Variants in IQGAP3 observed in about 807,000 individuals in gnomAD.
The protein encoded by IQGAP3 is ras GTPase-activating-like protein IQGAP3.
In IQGAP3, 165 loss-of-function variants were observed where a neutral mutation model predicts 208.2. The ratio of observed to expected loss-of-function variants is 0.79; its 90% confidence interval spans 0.70 to 0.90. The LOEUF is 0.90. IQGAP3 is among the 40% of genes least tolerant of loss of function. IQGAP3 has a pLI of 0.00. For synonymous variants in IQGAP3, 703 were observed against 803.6 expected (o/e 0.87, Z 2.12); for missense variants, 1,811 against 2,043.1 (o/e 0.89, Z 2.19).
intron 2 of IQGAP3, among the ~76,000 whole-genome samples, chr1:156,568,223 G>GT (rs1301470849): frequency 8.0e-5 from 12 of 150,686 alleles, no homozygotes; most frequent in East Asian, 7.8e-4. Flanking sequence ...TTTTGTTTTT[G>GT]TTTTTTTTTG....
In IQGAP3 at chr1:156,548,464, G is replaced by C. The variant is rs772455391; in HGVS notation, c.2017C>G (p.His673Asp). 14 of 1,613,758 alleles carry C rather than the reference G, an allele frequency of 8.7e-6. No individual in the cohort carries two copies. Among genetic ancestry groups the C allele is most frequent in the Non-Finnish European group, 1.2e-5 (14 of 1,179,940 alleles). ...TAGGCAGTGCCATCCTTCATGTCAT[G>C]TTGAACCCAGAAAGCTGTGTCTGCT... is the stretch of plus-strand genomic sequence containing the variant. ...RPADTAFWVQ[H>D]DMKDGTAYYF... Residue 673 changes from histidine to aspartate, a missense_variant, in exon 18 of 38, where the codon CAT (histidine) becomes GAT (aspartate). Transcript: ENST00000361170.
chr1:156,545,246 G>A (rs1350989291), intron 19 of IQGAP3, among the ~76,000 whole-genome samples: 1 of 151,962 alleles, frequency 6.6e-6, no homozygotes, highest in Non-Finnish European at 1.5e-5. Flanking sequence ...TCCTTCCTAG[G>A]AGACTTTTCC....
chr1:156,528,764 G>C (rs2102348863), intron 35 of IQGAP3, 152 bp downstream of exon 35: 2 of 1,083,192 alleles, frequency 1.8e-6, no homozygotes, highest in Admixed American at 2.4e-5. Context: ...CCAAGACTTT[G>C]TAAATGAGGC....
At position 156,539,894 on chromosome 1, in the gene IQGAP3, T is replaced by C; in HGVS notation, c.2836A>G (p.Ser946Gly). The C allele has an allele frequency of 6.2e-7, 1 of 1,614,164 alleles. No homozygotes were observed. The highest frequency in any genetic ancestry group is 8.5e-7 in the Non-Finnish European group (1 of 1,180,022). Reference sequence around the variant, plus strand: ...TCTAGTTTCTGCCGTTTCTCTTTGCTCAGCGACTTTAAACCCTTCTGCTTG... The same window carrying C: ...TCTAGTTTCTGCCGTTTCTCTTTGCCCAGCGACTTTAAACCCTTCTGCTTG... ...LDKQKGLKSLSKEKRQKLEAY... is the reference protein window; with the variant it reads ...LDKQKGLKSLGKEKRQKLEAY... Residue 946 changes from serine to glycine, a missense_variant, in exon 24 of 38, where the codon AGC becomes GGC. Transcript: ENST00000361170.
chr1:156,572,426 C>T (rs78317021), intron 1 of IQGAP3, 67 bp downstream of exon 1: 59,953 of 1,530,536 alleles, frequency 0.039, 1,781 homozygotes, highest in African/African-American at 0.14. Flanking sequence ...CAATCTCTCC[C>T]GGGACAGCCA....
intron 12 of IQGAP3, among the ~76,000 whole-genome samples, chr1:156,554,661 T>C (rs927838234): frequency 2.0e-5 from 3 of 152,244 alleles, no homozygotes; most frequent in African/African-American, 7.2e-5. Context: ...ATTTCATGGA[T>C]GAGCCCACGA....
chr1:156,535,371 AG>A (rs1331376076), intron 27 of IQGAP3, 124 bp from the exon 28 acceptor site: 1 of 669,050 alleles, frequency 1.5e-6, no homozygotes, highest in Non-Finnish European at 2.6e-6. Flanking sequence ...GTAGAGCTCA[AG>A]CACTGTCCCT....
chr1:156,570,951 G>A (rs1361736483), intron 1 of IQGAP3, among the ~76,000 whole-genome samples: 5 of 152,132 alleles, frequency 3.3e-5, no homozygotes, highest in African/African-American at 4.8e-5. Flanking sequence ...ATAAATAGGC[G>A]GAACACAGGG....
At chr1:156,533,168 TAC>T (rs1233443443) in intron 31 of IQGAP3, 62 bp from the exon 32 acceptor site, 1,254 of 1,496,560 alleles carry the variant, frequency 8.4e-4, no homozygotes, top group Middle Eastern at 1.6e-3. Context: ...CACACACACA[TAC>T]ACACACACAC....
At chr1:156,550,044 T>G (rs1197962284) in intron 16 of IQGAP3, among the ~76,000 whole-genome samples, 1 of 152,164 alleles carries the variant, frequency 6.6e-6, no homozygotes, top group African/African-American at 2.4e-5. Context: ...AGGTGAACTA[T>G]GGATTCTCAC....
At chr1:156,557,543 G>A (rs1467158803) in intron 11 of IQGAP3, among the ~76,000 whole-genome samples, 397 of 72,040 alleles carry the variant, frequency 5.5e-3, no homozygotes, top group African/African-American at 0.017. Context: ...CCGGCCAGCC[G>A]CCCCGTCCGG....
At chr1:156,561,061 G>C in intron 10 of IQGAP3, 40 bp from the exon 11 acceptor site, 1 of 1,453,500 alleles carries the variant, frequency 6.9e-7, no homozygotes, top group Non-Finnish European at 9.7e-7. Context: ...GAGTCCTTCC[G>C]GGGCCATGAC....
chr1:156,550,178 G>A (rs573482880), intron 16 of IQGAP3, 83 bp downstream of exon 16: 2 of 932,972 alleles, frequency 2.1e-6, no homozygotes, highest in African/African-American at 3.2e-5. Flanking sequence ...TGGTGACCAG[G>A]GAGGCTGCCT....
Position 156,551,775 on chromosome 1 carries a change from T to A in IQGAP3, c.1664A>T (p.Asp555Val). The A allele has an allele frequency of 6.2e-7, 1 of 1,614,026 alleles. No homozygotes were observed. Among genetic ancestry groups the A allele is most frequent in the South Asian group, 1.1e-5 (1 of 91,022 alleles). ...SALLLPAAGL[D>V]DVSLPVAPRY... is the part of the protein sequence containing the mutation. Reference sequence around the variant, plus strand: ...AGGGGCGACAGGGAGGCTGACATCATCTAGGCCAGCTGCAGGAAGCAGTAG... The same window carrying A: ...AGGGGCGACAGGGAGGCTGACATCAACTAGGCCAGCTGCAGGAAGCAGTAG... The change falls in exon 15 of 38, where the codon GAT (aspartate) becomes GTT (valine). Residue 555 changes from aspartate to valine, a missense_variant. Physicochemically the swap from Asp to Val is radical, Grantham distance 152 (BLOSUM62 -3). Coordinates refer to ENST00000361170, the MANE Select transcript of IQGAP3 (RefSeq NM_178229.5).
chr1:156,565,487 T>C (rs1031497629), intron 4 of IQGAP3, among the ~76,000 whole-genome samples: 2 of 152,214 alleles, frequency 1.3e-5, no homozygotes, highest in Non-Finnish European at 2.9e-5. Flanking sequence ...AATCCTATCA[T>C]GCCTTCATTT....
At chr1:156,565,099 G>A (rs914505379) in intron 4 of IQGAP3, among the ~76,000 whole-genome samples, 5 of 152,168 alleles carry the variant, frequency 3.3e-5, no homozygotes, top group African/African-American at 1.2e-4. Context: ...GTGGTATGCT[G>A]GAGAGCTGGC....
Position 156,544,371 on chromosome 1 carries a change from C to T in IQGAP3, c.2388+18G>A, listed in dbSNP as rs749301710. ...GGTCCTTTGAGAGAAAGGAGCCTGC[C>T]AAAACCACCGTAGCTACCTTGATTA... On this transcript the variant is annotated intron_variant, in intron 20 of 37. Coordinates refer to ENST00000361170, the MANE Select transcript of IQGAP3 (RefSeq NM_178229.5). 1.9e-5 allele frequency: 31 copies of T among 1,607,992 alleles called. No homozygotes were observed. Among genetic ancestry groups the T allele is most frequent in the African/African-American group, 4.0e-5 (3 of 74,762 alleles).
At position 156,529,063 on chromosome 1, in the gene IQGAP3, C is replaced by A. The variant is rs201296692; in HGVS notation, c.4424G>T (p.Arg1475Ile). 2 of 1,614,196 alleles carry A rather than the reference C, an allele frequency of 1.2e-6. No homozygotes were observed. The highest frequency in any genetic ancestry group is 2.2e-5 in the East Asian group (1 of 44,880). Residue 1475 changes from arginine to isoleucine, a missense_variant, in exon 35 of 38, where the codon AGA (arginine) becomes ATA (isoleucine). Physicochemically the swap from Arg to Ile is moderately conservative, Grantham distance 97. Coordinates refer to ENST00000361170, the MANE Select transcript of IQGAP3 (RefSeq NM_178229.5). The stretch of plus-strand genomic sequence containing the variant: ...CTCTGCCTTCCGCCTGTGCCTGTGT[C>A]TGTGCTGGTTGCGGATGTCCTGGGG... ...ELAKDIRNQH[R>I]HRHRRKAELV...
At chr1:156,566,883 T>G (rs1241627836) in intron 2 of IQGAP3, among the ~76,000 whole-genome samples, 2 of 151,556 alleles carry the variant, frequency 1.3e-5, no homozygotes, top group Admixed American at 6.6e-5. Context: ...TTTTTTTTTT[T>G]GAAATGGCGT....
Sources: allele counts gnomAD v4.1 joint callset (sites outside exome capture counted in the v4.1 genomes callset), GRCh38; gene constraint gnomAD v4.1.1; transcripts MANE v1.5; gene names NCBI Gene and HGNC (gene_info 2026-07-23, HGNC 2026-07-21).